Variants in CCDC60 observed in about 807,000 individuals in gnomAD.
The protein encoded by CCDC60 is coiled-coil domain-containing protein 60.
CCDC60 carries 54 observed loss-of-function variants against 63.5 expected under a neutral mutation model. That is an observed-to-expected ratio of 0.85 (90% CI 0.68 to 1.07). The LOEUF is 1.07. Among genes scored for constraint, CCDC60 ranks in the 50% least tolerant of loss-of-function variants. The probability of loss-of-function intolerance (pLI) is 0.00; values close to 1 mark genes in which losing one functional copy is unlikely to be tolerated. For synonymous variants in CCDC60, 206 were observed against 238.8 expected (o/e 0.86, Z 1.27); for missense variants, 651 against 684.3 (o/e 0.95, Z 0.54).
In CCDC60 at chr12:119,423,563, C is replaced by T. The variant is rs76748374; in HGVS notation, c.91-5120C>T. Among the ~76,000 whole-genome samples, 933 of 152,302 alleles carry T rather than the reference C, an allele frequency of 6.1e-3. 12 individuals carry two copies. Among genetic ancestry groups the T allele is most frequent in the African/African-American group, 0.021 (881 of 41,556 alleles). ...AGGGCATTTCATCCCTTCTCTCATT[C>T]GGCTTATGGTGGCACCTCTAGCTAA... On this transcript the variant is annotated intron_variant, in intron 1 of 13. Coordinates refer to ENST00000327554, the MANE Select transcript of CCDC60 (RefSeq NM_178499.5).
intron 2 of CCDC60, among the ~76,000 whole-genome samples, chr12:119,448,436 G>A (rs975620935): frequency 6.6e-6 from 1 of 152,168 alleles, no homozygotes; most frequent in Admixed American, 6.5e-5. Flanking sequence ...TGAAATGATA[G>A]TGTCTACCTG....
At chr12:119,353,598 C>CT (rs71072514) in intron 1 of CCDC60, among the ~76,000 whole-genome samples, 865 of 68,194 alleles carry the variant, frequency 0.013, 58 homozygotes, top group African/African-American at 0.029. Context: ...TCTTCTTCTT[C>CT]TTTTTTTTTT....
chr12:119,517,986 T>C (rs1025539544), intron 8 of CCDC60, among the ~76,000 whole-genome samples: 7 of 152,196 alleles, frequency 4.6e-5, no homozygotes, highest in Non-Finnish European at 1.0e-4. Flanking sequence ...CATCATCACC[T>C]TCAGCCCACT....
At position 119,459,804 on chromosome 12, in the gene CCDC60, C is replaced by T. The variant is rs372234201; in HGVS notation, c.171-12190C>T. ...TTGGACCCAACCAATTAGCATTCCC[C>T]ATTCTTAAGCCCCTGCCCACCAAGC... On this transcript the variant is annotated intron_variant, in intron 2 of 13. Coordinates refer to ENST00000327554, the MANE Select transcript of CCDC60 (RefSeq NM_178499.5). 2.6e-5 allele frequency among the ~76,000 whole-genome samples: 4 copies of T among 152,332 alleles called. No individual in the cohort carries two copies. In the East Asian group the frequency reaches 7.7e-4, roughly 29 times the overall value.
chr12:119,446,660 A>C (rs1950547101), intron 2 of CCDC60, among the ~76,000 whole-genome samples: 1 of 152,002 alleles, frequency 6.6e-6, no homozygotes, highest in Admixed American at 6.6e-5. Flanking sequence ...ATTATGAGTC[A>C]GAGTGTCTAC....
intron 1 of CCDC60, among the ~76,000 whole-genome samples, chr12:119,351,334 T>C (rs1471259679): frequency 6.6e-6 from 1 of 152,218 alleles, no homozygotes; most frequent in Non-Finnish European, 1.5e-5. Context: ...GTCTGATGCC[T>C]ATCTTGAGCC....
At chr12:119,394,151 G>C (rs1593019264) in intron 1 of CCDC60, among the ~76,000 whole-genome samples, 1 of 152,178 alleles carries the variant, frequency 6.6e-6, no homozygotes, top group East Asian at 1.9e-4. Context: ...TGTTACAACT[G>C]TACCGCAAAG....
intron 1 of CCDC60, among the ~76,000 whole-genome samples, chr12:119,380,044 T>C (rs747250812): frequency 6.6e-6 from 1 of 152,188 alleles, no homozygotes; most frequent in African/African-American, 2.4e-5. Context: ...TGGGCACAAA[T>C]GGAATCAGAT....
At chr12:119,504,979 C>A in intron 6 of CCDC60, 90 bp from the exon 7 acceptor site, 1 of 961,808 alleles carries the variant, frequency 1.0e-6, no homozygotes, top group Non-Finnish European at 1.6e-6. Context: ...TCTGCTGTCC[C>A]TCCCCACCTT....
chr12:119,444,692 G>T (rs1566013104), intron 2 of CCDC60, among the ~76,000 whole-genome samples: 1 of 152,182 alleles, frequency 6.6e-6, no homozygotes, highest in Non-Finnish European at 1.5e-5. Flanking sequence ...TAGAGACCAC[G>T]CTGGCCACTC....
chr12:119,471,931 C>T, intron 2 of CCDC60, 63 bp from the exon 3 acceptor site: 99 of 1,360,038 alleles, frequency 7.3e-5, no homozygotes, highest in South Asian at 1.9e-4. Flanking sequence ...CTTCTCTTTC[C>T]TTCTCTCTCT....
chr12:119,405,406 T>C (rs920406839), intron 1 of CCDC60, among the ~76,000 whole-genome samples: 10 of 152,254 alleles, frequency 6.6e-5, no homozygotes, highest in African/African-American at 2.2e-4. Context: ...TAATTTTGTC[T>C]TGACTCTGAA....
At chr12:119,498,984 A>C (rs1951780317) in intron 5 of CCDC60, among the ~76,000 whole-genome samples, 1 of 152,238 alleles carries the variant, frequency 6.6e-6, no homozygotes, top group South Asian at 2.1e-4. Flanking sequence ...AGTTGGCAGC[A>C]AAATTGGACT....
intron 1 of CCDC60, among the ~76,000 whole-genome samples, chr12:119,397,274 C>T (rs1003975505): frequency 2.6e-5 from 4 of 152,182 alleles, no homozygotes; most frequent in East Asian, 1.9e-4. Context: ...GGACCTGAGC[C>T]GGTTGCCTCT....
intron 13 of CCDC60, among the ~76,000 whole-genome samples, chr12:119,538,347 A>G (rs1462426954): frequency 2.0e-5 from 3 of 152,212 alleles, no homozygotes; most frequent in Non-Finnish European, 4.4e-5. Flanking sequence ...TAGGAAAGGG[A>G]AAACCCCCAA....
At chr12:119,338,040 G>C (rs567823473) in intron 1 of CCDC60, among the ~76,000 whole-genome samples, 23 of 152,184 alleles carry the variant, frequency 1.5e-4, no homozygotes, top group Admixed American at 3.9e-4. Context: ...TGGGAAGAAG[G>C]CTTCCAGGAA....
In CCDC60 at chr12:119,389,024, T is replaced by C. The variant is rs78595168; in HGVS notation, c.91-39659T>C. ...CCTCTCTGAGTCTTACTTCACTCAT[T>C]ATAAAATAGTCCCCTTTCTTGGCTC... On this transcript the variant is annotated intron_variant, in intron 1 of 13. Coordinates refer to ENST00000327554, the MANE Select transcript of CCDC60 (RefSeq NM_178499.5). 8.2e-3 allele frequency among the ~76,000 whole-genome samples: 1,249 copies of C among 152,288 alleles called. 16 individuals carry two copies. The highest frequency in any genetic ancestry group is 0.028 in the African/African-American group (1,183 of 41,556).
intron 2 of CCDC60, among the ~76,000 whole-genome samples, chr12:119,461,566 TTAA>T (rs1950857568): frequency 6.6e-6 from 1 of 152,212 alleles, no homozygotes; most frequent in South Asian, 2.1e-4. Flanking sequence ...CATACGTTCC[TTAA>T]TAATAACAAC....
At chr12:119,412,980 A>G (rs1956632071) in intron 1 of CCDC60, among the ~76,000 whole-genome samples, 1 of 151,950 alleles carries the variant, frequency 6.6e-6, no homozygotes, top group South Asian at 2.1e-4. Context: ...GCATTTCCAG[A>G]CACGCCATTT....
Sources: gnomAD v4.1 joint callset for allele counts (sites outside exome capture counted in the v4.1 genomes callset) on GRCh38, gnomAD v4.1.1 for gene constraint, MANE v1.5 for transcripts, NCBI Gene and HGNC (gene_info 2026-07-23, HGNC 2026-07-21) for gene names.